The following SLC44A1 variants were observed in gnomAD, a reference collection of about 807,000 sequenced individuals.
SLC44A1 encodes the protein solute carrier family 44 member 1.
Under a neutral mutation model 79.3 loss-of-function variants are expected in SLC44A1, and 26 were observed. That is an observed-to-expected ratio of 0.33 (90% confidence interval 0.24 to 0.46). The LOEUF (loss-of-function observed/expected upper bound fraction) is 0.46. SLC44A1 is among the 20% of genes least tolerant of loss of function. The pLI, the probability that SLC44A1 is intolerant of heterozygous loss-of-function variation, is 1.00. For synonymous variants in SLC44A1, 263 were observed against 286.2 expected (o/e 0.92, Z 0.82); for missense variants, 688 against 798.1 (o/e 0.86, Z 1.66).
At chr9:105,388,119 A>G (rs1828678487) in intron 15 of SLC44A1, among the ~76,000 whole-genome samples, 1 of 152,174 alleles carries the variant, frequency 6.6e-6, no homozygotes, top group African/African-American at 2.4e-5. Flanking sequence ...TTGGGTCCCT[A>G]AGAATGATGT....
Position 105,393,224 on chromosome 9 carries a change from T to G in SLC44A1, c.*4168T>G. On this transcript the variant is annotated 3_prime_UTR_variant, in exon 16 of 16. Transcript: ENST00000374720. ...TGCTTTAAATGCATATTCATGTATC[T>G]TTGTGTGCTAAGAATGCATGTTAGC... The G allele has an allele frequency of 1.0e-6, 1 of 985,440 alleles. No homozygotes were observed. The highest frequency in any genetic ancestry group is 4.7e-5 in the South Asian group (1 of 21,292). 61.0% of individuals were successfully genotyped at this position (985,440 alleles called of 1,614,324 possible).
intron 5 of SLC44A1, among the ~76,000 whole-genome samples, chr9:105,350,100 T>C (rs1052368989): frequency 1.3e-5 from 2 of 152,200 alleles, no homozygotes; most frequent in African/African-American, 2.4e-5. Flanking sequence ...CTCACTAATC[T>C]AAAATGCAGT....
chr9:105,422,326 G>A (rs971687248), intron 15 of SLC44A1, among the ~76,000 whole-genome samples: 3 of 115,532 alleles, frequency 2.6e-5, no homozygotes, highest in Non-Finnish European at 4.9e-5. Context: ...GTCTTACTCT[G>A]TAGCCAGGCT....
intron 12 of SLC44A1, among the ~76,000 whole-genome samples, chr9:105,371,513 C>T (rs1030496430): frequency 4.6e-5 from 7 of 151,656 alleles, no homozygotes; most frequent in African/African-American, 1.2e-4. Flanking sequence ...TTGTGGATCA[C>T]AAGGCCAGGA....
chr9:105,366,049 A>G (rs1268033867), intron 11 of SLC44A1, among the ~76,000 whole-genome samples: 1 of 152,174 alleles, frequency 6.6e-6, no homozygotes, highest in African/African-American at 2.4e-5. Flanking sequence ...TATCTATACT[A>G]TATTCTGATT....
chr9:105,357,590 C>T (rs1827658269), intron 6 of SLC44A1, among the ~76,000 whole-genome samples: 1 of 152,096 alleles, frequency 6.6e-6, no homozygotes, highest in Non-Finnish European at 1.5e-5. Context: ...ATTTCCCATG[C>T]AAGGGTTAAA....
rs973248427 is a variant in SLC44A1 at position 105,391,960 on chromosome 9, T to A, written c.*2904T>A. On this transcript the variant is annotated 3_prime_UTR_variant, in exon 16 of 16. Transcript: ENST00000374720. ...GAGTATCGTGGTTTTTGCCATCAGA[T>A]AATTAAGGCTCTGGTGCATAATTTA... 1 of 985,406 alleles carries A rather than the reference T, an allele frequency of 1.0e-6. No individual in the cohort carries two copies. The highest frequency in any genetic ancestry group is 1.7e-5 in the African/African-American group (1 of 57,364). The allele number at this position is 985,406 out of a possible 1,614,324, so 61.0% of individuals were successfully genotyped here. A position where few individuals can be genotyped will look rare whatever the true frequency, so the allele number is the denominator to read the frequency against.
intron 15 of SLC44A1, among the ~76,000 whole-genome samples, chr9:105,414,943 A>G (rs1829147704): frequency 6.6e-6 from 1 of 152,174 alleles, no homozygotes; most frequent in African/African-American, 2.4e-5. Context: ...TTGATGAGAA[A>G]AGGAGATTTT....
Position 105,393,152 on chromosome 9 carries a change from T to C in SLC44A1, c.*4096T>C. 1.0e-6 allele frequency: 1 copy of C among 985,480 alleles called. No homozygotes were observed. The allele number at this position is 985,480 out of a possible 1,614,324, so 61.0% of individuals were successfully genotyped here. A position where few individuals can be genotyped will look rare whatever the true frequency, so the allele number is the denominator to read the frequency against. On this transcript the variant is annotated 3_prime_UTR_variant, in exon 16 of 16. Transcript: ENST00000374720. ...AAATGTGGGTTCATAAGTAAAAGCG[T>C]AACGCAGATATTTGTGTATTCTGTA...
chr9:105,306,834 A>G (rs1831045744), intron 2 of SLC44A1, among the ~76,000 whole-genome samples: 3 of 152,198 alleles, frequency 2.0e-5, no homozygotes, highest in Admixed American at 2.0e-4. Flanking sequence ...AAACATAAGA[A>G]GAAAATTCCT....
downstream of SLC44A1, among the ~76,000 whole-genome samples, chr9:105,399,945 C>T (rs141467440): frequency 1.3e-5 from 2 of 152,284 alleles, no homozygotes; most frequent in Non-Finnish European, 2.9e-5. Context: ...CCTGTAATCC[C>T]AGCATTTTGG....
chr9:105,258,648 C>G (rs369595743), intron 1 of SLC44A1, among the ~76,000 whole-genome samples: 29 of 152,100 alleles, frequency 1.9e-4, no homozygotes, highest in African/African-American at 6.0e-4. Context: ...ACTTTTTTGT[C>G]TCTTAATTTC....
In SLC44A1 at chr9:105,358,575, A is replaced by G. The variant is rs1827690511; in HGVS notation, c.760+142A>G. On this transcript the variant is annotated intron_variant, in intron 7 of 15. Coordinates refer to ENST00000374720, the MANE Select transcript of SLC44A1 (RefSeq NM_080546.5). The stretch of plus-strand genomic sequence containing the variant: ...GTTAATTTTTGCCTTAAAATTTCTT[A>G]TAATTATATTTGCCCCTCCCCTCAT... 7 of 624,334 alleles carry G rather than the reference A, an allele frequency of 1.1e-5. No homozygotes were observed. The East Asian group carries it at 2.0e-4, about 18-fold the overall frequency. The allele number at this position is 624,334 out of a possible 1,614,324, so 38.7% of individuals were successfully genotyped here.
intron 15 of SLC44A1, among the ~76,000 whole-genome samples, chr9:105,408,951 C>A (rs1829063273): frequency 6.6e-6 from 1 of 151,754 alleles, no homozygotes; most frequent in Non-Finnish European, 1.5e-5. Flanking sequence ...GTAACATTAA[C>A]AAAATAACTA....
At chr9:105,274,558 C>T (rs1588720786) in intron 1 of SLC44A1, among the ~76,000 whole-genome samples, 1 of 152,324 alleles carries the variant, frequency 6.6e-6, no homozygotes, top group East Asian at 1.9e-4. Flanking sequence ...CTATTGTTAA[C>T]TAAGTGTTTC....
At chr9:105,400,769 G>A (rs964801778), downstream of SLC44A1, among the ~76,000 whole-genome samples, 2 of 152,132 alleles carry the variant, frequency 1.3e-5, no homozygotes, top group East Asian at 1.9e-4. Flanking sequence ...TGCAATGTTT[G>A]TATTTCTCAC....
intron 15 of SLC44A1, chr9:105,385,729 G>A (rs1028079580): frequency 2.9e-5 from 29 of 985,272 alleles, no homozygotes; most frequent in Non-Finnish European, 3.5e-5. Context: ...CAGCATCCTC[G>A]TCAGTGCTCG....
At chr9:105,412,653 G>A (rs1467557239) in intron 15 of SLC44A1, among the ~76,000 whole-genome samples, 1 of 152,048 alleles carries the variant, frequency 6.6e-6, no homozygotes, top group Non-Finnish European at 1.5e-5. Flanking sequence ...CCAGGCTGGA[G>A]TGCAGTGGCG....
rs531034785 is a variant in SLC44A1 at position 105,404,428 on chromosome 9, A to G, written c.1950+18926A>G. 1.7e-4 allele frequency among the ~76,000 whole-genome samples: 26 copies of G among 152,270 alleles called. No homozygotes were observed. The East Asian group carries it at 4.6e-3, about 27-fold the overall frequency. On this transcript the variant is annotated intron_variant, in intron 15 of 15. Transcript: ENST00000374724. ...GGAAAATAATTTACTTTTCACCTGG[A>G]AAGAACCACTTTAAGATGAAGCCGT...
Sources: gnomAD v4.1 joint callset for allele counts (sites outside exome capture counted in the v4.1 genomes callset) on GRCh38, gnomAD v4.1.1 for gene constraint, MANE v1.5 for transcripts, NCBI Gene and HGNC (gene_info 2026-07-23, HGNC 2026-07-21) for gene names.